The following RNF213 variants were observed in gnomAD, a reference collection of about 807,000 sequenced individuals.
RNF213 encodes E3 ubiquitin-protein ligase RNF213.
In RNF213, 341 loss-of-function variants were observed where a neutral mutation model predicts 514.4. The observed-to-expected ratio is 0.66, with a 90% CI of 0.61 to 0.73. The LOEUF (loss-of-function observed/expected upper bound fraction) is 0.73, where lower values mean the gene tolerates loss of function less well. Ranked by LOEUF, RNF213 falls within the 30% of genes least tolerant of loss-of-function variation. The probability of loss-of-function intolerance (pLI) is 0.00; values close to 1 mark genes in which losing one functional copy is unlikely to be tolerated. For missense variants in RNF213, 5,767 were observed against 6,615.6 expected (o/e 0.87, Z 4.45); for synonymous variants, 2,655 against 2,658.2 (o/e 1.00, Z 0.04).
chr17:80,384,026 C>T, intron 59 of RNF213, 98 bp downstream of exon 59: 1 of 1,417,128 alleles, frequency 7.1e-7, no homozygotes, highest in South Asian at 1.2e-5. Context: ...TCATTCTTAA[C>T]AGACTATTCC....
chr17:80,382,887 T>C (rs1382881030), intron 57 of RNF213, 92 bp from the exon 58 acceptor site: 16 of 788,560 alleles, frequency 2.0e-5, no homozygotes, highest in Non-Finnish European at 2.7e-5. Context: ...ACGAGTGTTA[T>C]TTCTATTAAA....
At chr17:80,329,009 C>G (rs2046346674) in intron 20 of RNF213, among the ~76,000 whole-genome samples, 1 of 152,242 alleles carries the variant, frequency 6.6e-6, no homozygotes. Context: ...GTATTAATTT[C>G]TAATTCCATC....
intron 17 of RNF213, 29 bp from the exon 18 acceptor site, chr17:80,325,001 A>G (rs1438328132): frequency 7.8e-6 from 12 of 1,531,462 alleles, no homozygotes; most frequent in Non-Finnish European, 1.1e-5. Flanking sequence ...AAACTTCTAA[A>G]TGTCCCTCTT....
intron 11 of RNF213, 182 bp downstream of exon 11, chr17:80,298,700 C>T (rs1435046050): frequency 4.4e-6 from 3 of 679,646 alleles, no homozygotes; most frequent in Admixed American, 2.3e-5. Flanking sequence ...CACAGTGGCT[C>T]ACGCCTGTAA....
rs1053265658 is a variant in RNF213 at position 80,263,615 on chromosome 17, T to C, written c.-67T>C. ...CGTGGTCACGTGACAGGACATGTAGTATATAGCAGGCTGCCAGCGACTCCT... is the reference window on the plus strand; with the variant it reads ...CGTGGTCACGTGACAGGACATGTAGCATATAGCAGGCTGCCAGCGACTCCT... On this transcript the variant is annotated 5_prime_UTR_variant, in exon 2 of 68. Coordinates refer to ENST00000582970, the MANE Select transcript of RNF213 (RefSeq NM_001256071.3). This position sits in a 1 kb window ranked among gnomAD's most constrained non-coding sequence, Gnocchi z 4.9. The C allele has an allele frequency of 4.0e-6, 5 of 1,236,270 alleles. No individual in the cohort carries two copies. Among genetic ancestry groups the C allele is most frequent in the Middle Eastern group, 1.9e-4 (1 of 5,346 alleles). The allele number at this position is 1,236,270 out of a possible 1,614,324, so 76.6% of individuals were successfully genotyped here. A position where few individuals can be genotyped will look rare whatever the true frequency, so the allele number is the denominator to read the frequency against.
intron 10 of RNF213, 60 bp downstream of exon 10, chr17:80,295,873 CA>C: frequency 1.3e-6 from 2 of 1,583,188 alleles, no homozygotes; most frequent in Non-Finnish European, 8.7e-7. Context: ...TCTCTGATTG[CA>C]AAAATAAGTG....
chr17:80,283,721 T>TG (rs2044376945), intron 3 of RNF213, among the ~76,000 whole-genome samples: 1 of 150,380 alleles, frequency 6.6e-6, no homozygotes, highest in South Asian at 2.1e-4. Flanking sequence ...TGGTGGGAGG[T>TG]GGGGGGTGGT....
Position 80,389,969 on chromosome 17 carries a change from C to T in RNF213, c.15286-43C>T. 3 of 1,613,648 alleles carry T rather than the reference C, an allele frequency of 1.9e-6. No homozygotes were observed. The African/African-American group carries it at 4.0e-5, about 22-fold the overall frequency. On this transcript the variant is annotated intron_variant, in intron 66 of 67. Coordinates refer to ENST00000582970, the MANE Select transcript of RNF213 (RefSeq NM_001256071.3). ...GGACAGAGGGACTGCGCTCCCTTCT[C>T]CCTGCAGGCTTTAATGCTTCATTTG...
In RNF213 at chr17:80,345,643, G is replaced by A. The variant is rs1162008111; in HGVS notation, c.7308G>A (p.Leu2436=). The change falls in exon 29 of 68, where the codon CTG becomes CTA. Residue 2436 remains leucine, a synonymous_variant. Transcript: ENST00000582970. This position sits in a 1 kb window ranked among gnomAD's most constrained non-coding sequence, Gnocchi z 6.0. The stretch of plus-strand genomic sequence containing the variant: ...GGCTTATTAAATTCCTTAGCGACCT[G>A]CGGCGTGGTGGTACCAATGCTGACA... ...KTRLIKFLSD[L]RRGGTNADTI... 11 of 1,614,104 alleles carry A rather than the reference G, an allele frequency of 6.8e-6. No individual in the cohort carries two copies. The highest frequency in any genetic ancestry group is 9.3e-6 in the Non-Finnish European group (11 of 1,180,052).
intron 32 of RNF213, 47 bp from the exon 33 acceptor site, chr17:80,352,893 G>A (rs1361506381): frequency 6.2e-7 from 1 of 1,613,408 alleles, no homozygotes; most frequent in South Asian, 1.1e-5. Flanking sequence ...CTGAGCAGCA[G>A]CCGGGAAAGA....
At chr17:80,362,624 G>A (rs757308579) in intron 39 of RNF213, among the ~76,000 whole-genome samples, 3 of 152,234 alleles carry the variant, frequency 2.0e-5, no homozygotes, top group Admixed American at 6.5e-5. Context: ...CACAGTGGGC[G>A]CCCTGCAGGG....
chr17:80,349,762 C>T lies in RNF213; in HGVS notation c.9952-8C>T, dbSNP rs1599084149. 1.2e-6 allele frequency: 2 copies of T among 1,614,126 alleles called. No homozygotes were observed. On this transcript the variant is annotated splice_region_variant and splice_polypyrimidine_tract_variant and intron_variant, in intron 29 of 67. Coordinates refer to ENST00000582970, the MANE Select transcript of RNF213 (RefSeq NM_001256071.3). ...CTGGCAAGTAATTTGCATTTCTTAA[C>T]TCTGTAGATCACCACTTTCTCCAGG...
At position 80,376,869 on chromosome 17, in the gene RNF213, TC is replaced by T. The variant is rs776741150; in HGVS notation, c.13429-12del. 44 of 1,612,324 alleles carry T rather than the reference TC, an allele frequency of 2.7e-5. No individual in the cohort carries two copies. The South Asian group carries it at 4.3e-4, about 16-fold the overall frequency. The stretch of plus-strand genomic sequence containing the variant: ...CACTTATCTAGAGCTGTCTCTGTCT[TC>T]TTGTTTTTCAGCATGCTTTTCTTCC... On this transcript the variant is annotated splice_polypyrimidine_tract_variant and intron_variant, in intron 52 of 67. Transcript: ENST00000582970.
intron 14 of RNF213, among the ~76,000 whole-genome samples, chr17:80,312,056 A>C (rs1047732818): frequency 3.9e-5 from 6 of 152,150 alleles, no homozygotes; most frequent in Non-Finnish European, 8.8e-5. Context: ...TGAACCCAGG[A>C]GGTGGAGGTT....
At chr17:80,379,223 G>A (rs1355309231) in intron 54 of RNF213, among the ~76,000 whole-genome samples, 1 of 152,174 alleles carries the variant, frequency 6.6e-6, no homozygotes, top group African/African-American at 2.4e-5. Context: ...AAGTCCAAAT[G>A]AATATAAGGA....
intron 2 of RNF213, among the ~76,000 whole-genome samples, chr17:80,271,010 C>T (rs552516550): frequency 3.3e-5 from 5 of 152,244 alleles, no homozygotes; most frequent in Non-Finnish European, 5.9e-5. Flanking sequence ...TTCCATACTT[C>T]TTGCTGGTTG....
chr17:80,397,493 A>G lies in RNF213; in HGVS notation c.*3995A>G, dbSNP rs1439819167. The G allele has an allele frequency of 6.6e-6, 1 of 152,090 alleles. No individual in the cohort carries two copies. The highest frequency in any genetic ancestry group is 1.5e-5 in the Non-Finnish European group (1 of 68,032). 9.4% of individuals were successfully genotyped at this position (152,090 alleles called of 1,614,324 possible). On this transcript the variant is annotated 3_prime_UTR_variant, in exon 68 of 68. Transcript: ENST00000582970. ...CCTGACCTAATCAGTGATGCTATCT[A>G]TAGATTACAGACATTATATAGAAAA...
chr17:80,343,504 C>T lies in RNF213; in HGVS notation c.6183+179C>T, dbSNP rs750287033. ...TCAGGCAGTTTCCTCCTTGTGTGAA[C>T]GTCATGGTGTGCGCTTACACTAACC... On this transcript the variant is annotated intron_variant, in intron 27 of 67. Transcript: ENST00000582970. The surrounding 1 kb of genome is among the most constrained non-coding windows in gnomAD (Gnocchi z 4.3). Among the ~76,000 whole-genome samples, 3 of 152,164 alleles carry T rather than the reference C, an allele frequency of 2.0e-5. No homozygotes were observed. The highest frequency in any genetic ancestry group is 1.3e-4 in the Admixed American group (2 of 15,278).
chr17:80,374,146 TAG>T (rs372715025), intron 49 of RNF213, among the ~76,000 whole-genome samples: 70 of 152,276 alleles, frequency 4.6e-4, no homozygotes, highest in African/African-American at 1.7e-3. Context: ...ACCTGGGGTT[TAG>T]AGTTGACATG....
Sources: allele counts gnomAD v4.1 joint callset (sites outside exome capture counted in the v4.1 genomes callset), GRCh38; gene constraint gnomAD v4.1.1; non-coding constraint Gnocchi (gnomAD v3.1); transcripts MANE v1.5; gene names NCBI Gene and HGNC (gene_info 2026-07-23, HGNC 2026-07-21).